Variants in CAST observed in about 807,000 individuals in gnomAD.
CAST encodes calpastatin.
In CAST, 76 loss-of-function variants were observed where a neutral mutation model predicts 119.6. That is an observed-to-expected ratio of 0.64 (90% CI 0.53 to 0.77). CAST has a LOEUF of 0.77. Among genes scored for constraint, CAST ranks in the 30% least tolerant of loss-of-function variants. The probability of loss-of-function intolerance (pLI) is 0.00; values close to 1 mark genes in which losing one functional copy is unlikely to be tolerated. For synonymous variants in CAST, 319 were observed against 331.6 expected, an observed-to-expected ratio of 0.96 and a Z score of 0.41; for missense variants, 953 against 946.5, an observed-to-expected ratio of 1.01 and a Z score of -0.09.
At chr5:96,642,283 G>T (rs1747959635) in intron 1 of CAST, among the ~76,000 whole-genome samples, 1 of 152,198 alleles carries the variant, frequency 6.6e-6, no homozygotes, top group Admixed American at 6.5e-5. Context: ...CAGAACTTGA[G>T]ATAATGCATG....
At chr5:96,175,467 T>C in the CAST span, among the ~76,000 whole-genome samples, 1 of 152,242 alleles carries the variant, frequency 6.6e-6, no homozygotes. Flanking sequence ...CCTGCTGTTA[T>C]AGAAACTATT....
intron 3 of CAST, among the ~76,000 whole-genome samples, chr5:96,716,289 G>C (rs1757172832): frequency 6.6e-6 from 1 of 152,146 alleles, no homozygotes; most frequent in African/African-American, 2.4e-5. Context: ...TTATTTTTAA[G>C]TTGTACAACT....
rs978596172 is a variant in CAST at position 96,662,481 on chromosome 5, C to G, written c.59C>G (p.Ala20Gly). ...CCGCGGCCCCGGCGAGCAGCCGCCGCCCGCCGCACCCATGAGGTGAGTGGC... is the reference window on the plus strand; with the variant it reads ...CCGCGGCCCCGGCGAGCAGCCGCCGGCCGCCGCACCCATGAGGTGAGTGGC... ...ASPRPRRAAAARRTHEHVSEK... is the reference protein window; with the variant it reads ...ASPRPRRAAAGRRTHEHVSEK... The change falls in exon 1 of 32, where the codon GCC becomes GGC. Residue 20 changes from alanine (A) to glycine (G), a missense_variant. Ala to Gly is a moderately conservative substitution (Grantham distance 60). Coordinates refer to ENST00000675179, the MANE Select transcript of CAST (RefSeq NM_001750.7). The G allele has an allele frequency of 1.4e-6, 2 of 1,432,064 alleles. No individual in the cohort carries two copies. Among genetic ancestry groups the G allele is most frequent in the East Asian group, 6.1e-5 (2 of 32,832 alleles). The allele number at this position is 1,432,064 out of a possible 1,614,324, so 88.7% of individuals were successfully genotyped here.
At chr5:96,088,204 C>G in the CAST span, among the ~76,000 whole-genome samples, 2 of 152,168 alleles carry the variant, frequency 1.3e-5, no homozygotes, top group African/African-American at 2.4e-5. Flanking sequence ...TGCACACACT[C>G]AAAAAATAAA....
chr5:96,407,780 A>G, the CAST span, among the ~76,000 whole-genome samples: 1 of 152,336 alleles, frequency 6.6e-6, no homozygotes, highest in East Asian at 1.9e-4. Flanking sequence ...CTAGGCTTAC[A>G]TATTCAAAGA....
At chr5:96,616,614 C>T (rs928906353) in intron 1 of CAST, among the ~76,000 whole-genome samples, 2 of 152,130 alleles carry the variant, frequency 1.3e-5, no homozygotes, top group African/African-American at 2.4e-5. Context: ...AGCAGCTTAG[C>T]AGGTCAGGGT....
At chr5:96,452,725 T>C in the CAST span, among the ~76,000 whole-genome samples, 3 of 98,444 alleles carry the variant, frequency 3.0e-5, no homozygotes, top group Non-Finnish European at 6.0e-5. Context: ...CCGAGGCGGG[T>C]GGATCATGAG....
intron 1 of CAST, among the ~76,000 whole-genome samples, chr5:96,621,194 A>C (rs2611717): frequency 0.093 from 14,110 of 152,278 alleles, 768 homozygotes; most frequent in Middle Eastern, 0.16. Context: ...GTCTTGTAGA[A>C]GAAAGGTTTT....
chr5:96,678,861 A>G (rs549653962), intron 2 of CAST, among the ~76,000 whole-genome samples: 15 of 152,078 alleles, frequency 9.9e-5, no homozygotes, highest in African/African-American at 3.6e-4. Flanking sequence ...CAAACAAACA[A>G]ACAAAAACAC....
chr5:96,108,814 T>TC, the CAST span, among the ~76,000 whole-genome samples: 1 of 152,290 alleles, frequency 6.6e-6, no homozygotes, highest in East Asian at 1.9e-4. Flanking sequence ...CAGGCGCCCC[T>TC]CCCCCAGCCT....
the CAST span, among the ~76,000 whole-genome samples, chr5:96,369,787 G>T: frequency 1.3e-5 from 2 of 151,864 alleles, 1 homozygote; most frequent in Non-Finnish European, 2.9e-5. Flanking sequence ...TCTTTATTCC[G>T]TTTTATTTTC....
intron 2 of CAST, among the ~76,000 whole-genome samples, chr5:96,681,516 G>A (rs1409780765): frequency 1.3e-5 from 2 of 151,830 alleles, no homozygotes; most frequent in Middle Eastern, 3.4e-3. Context: ...GGCGGATCAC[G>A]AGGTCAGGAG....
the CAST span, among the ~76,000 whole-genome samples, chr5:96,177,045 T>C: frequency 6.6e-6 from 1 of 152,296 alleles, no homozygotes; most frequent in East Asian, 1.9e-4. Flanking sequence ...TGGTCACACA[T>C]GTGAGTTGAA....
At chr5:96,232,968 T>A in the CAST span, among the ~76,000 whole-genome samples, 1 of 152,098 alleles carries the variant, frequency 6.6e-6, no homozygotes, top group African/African-American at 2.4e-5. Flanking sequence ...TTGCATATGT[T>A]AACACAGATA....
chr5:96,030,455 G>A, the CAST span, among the ~76,000 whole-genome samples: 1 of 152,222 alleles, frequency 6.6e-6, no homozygotes, highest in African/African-American at 2.4e-5. Flanking sequence ...TGCCTGTCGG[G>A]CAGTAGCCTG....
the CAST span, among the ~76,000 whole-genome samples, chr5:96,180,545 T>G: frequency 2.6e-5 from 4 of 152,334 alleles, no homozygotes; most frequent in Non-Finnish European, 4.4e-5. Flanking sequence ...GAAAACATTT[T>G]CATTTTAACT....
intron 1 of CAST, among the ~76,000 whole-genome samples, chr5:96,618,753 G>T (rs1747526871): frequency 6.6e-6 from 1 of 151,620 alleles, no homozygotes; most frequent in Admixed American, 6.5e-5. Context: ...TCCCTGCAGG[G>T]CAGGGCTCGG....
chr5:96,359,518 G>C, the CAST span, among the ~76,000 whole-genome samples: 6 of 151,830 alleles, frequency 4.0e-5, no homozygotes, highest in African/African-American at 1.4e-4. Context: ...GCTCTTGTAA[G>C]GCAGGCCTGG....
the CAST span, among the ~76,000 whole-genome samples, chr5:96,204,134 A>G: frequency 3.9e-5 from 6 of 152,038 alleles, no homozygotes; most frequent in Admixed American, 3.9e-4. Flanking sequence ...ACAACCAATG[A>G]CTGCCATATA....
Sources: gnomAD v4.1 joint callset for allele counts (sites outside exome capture counted in the v4.1 genomes callset) on GRCh38, gnomAD v4.1.1 for gene constraint, MANE v1.5 for transcripts, NCBI Gene and HGNC (gene_info 2026-07-23, HGNC 2026-07-21) for gene names.